CD72: variants seen among roughly 807,000 people sequenced by gnomAD.
The protein encoded by CD72 is CD72 molecule.
Under a neutral mutation model 50.7 loss-of-function variants are expected in CD72, and 28 were observed. The observed-to-expected ratio is 0.55, with a 90% CI of 0.41 to 0.76. The LOEUF is 0.76. Ranked by LOEUF, CD72 falls within the 30% of genes least tolerant of loss-of-function variation. CD72 has a pLI of 0.00. For synonymous variants in CD72, 176 were observed against 171.2 expected (o/e 1.03, Z -0.22); for missense variants, 403 against 420.6 (o/e 0.96, Z 0.37).
At chr9:35,640,229 T>C (rs1823326156) in intron 1 of CD72, among the ~76,000 whole-genome samples, 1 of 152,254 alleles carries the variant, frequency 6.6e-6, no homozygotes, top group Non-Finnish European at 1.5e-5. Context: ...ATTCCAGCTG[T>C]ACTTTGGGGG....
At chr9:35,640,585 A>G (rs1000105675) in intron 1 of CD72, among the ~76,000 whole-genome samples, 3 of 152,238 alleles carry the variant, frequency 2.0e-5, no homozygotes, top group Non-Finnish European at 4.4e-5. Flanking sequence ...GGGAGTGGCA[A>G]TGGGAGTCTC....
chr9:35,619,528 G>A (rs377712283), upstream of CD72: 1 of 152,238 alleles, frequency 6.6e-6, no homozygotes, highest in African/African-American at 2.4e-5. Flanking sequence ...CCAACAGCTC[G>A]GATGATTGGT....
chr9:35,624,528 G>C (rs1478876493), upstream of CD72, among the ~76,000 whole-genome samples: 1 of 152,082 alleles, frequency 6.6e-6, no homozygotes, highest in South Asian at 2.1e-4. Flanking sequence ...CATACTTAGT[G>C]GGGAGCGATT....
chr9:35,612,671 G>A lies in CD72; in HGVS notation c.834+177C>T, dbSNP rs868757065. The A allele has an allele frequency of 1.1e-4, 71 of 625,736 alleles. No individual in the cohort carries two copies. In the Middle Eastern group the frequency reaches 1.3e-3, roughly 12 times the overall value. The allele number at this position is 625,736 out of a possible 1,614,324, so 38.8% of individuals were successfully genotyped here. A position where few individuals can be genotyped will look rare whatever the true frequency, so the allele number is the denominator to read the frequency against. The stretch of plus-strand genomic sequence containing the variant: ...TAGGGGCTGCCTGGACCACTGTGCT[G>A]AGAAGATGCAGAGGTTGTTTCCAAG... On this transcript the variant is annotated intron_variant, in intron 6 of 8. Transcript: ENST00000259633.
rs754742640 is a variant in CD72, at chr9:35,616,562, G to C, written c.352+38C>G. The stretch of plus-strand genomic sequence containing the variant: ...TGGGGCGAGAGTCGGGACGAAAGTC[G>C]TTCGGTGTAAGTGGGAAGTAGGGAC... On this transcript the variant is annotated intron_variant, in intron 4 of 8. Coordinates refer to ENST00000259633, the MANE Select transcript of CD72 (RefSeq NM_001782.3). The C allele has an allele frequency of 2.0e-6, 3 of 1,516,972 alleles. 1 individual carries two copies. The South Asian group carries it at 3.4e-5, about 17-fold the overall frequency. The allele number at this position is 1,516,972 out of a possible 1,614,324, so 94.0% of individuals were successfully genotyped here.
At chr9:35,624,599 T>C (rs1393548386) in intron 1 of CD72, among the ~76,000 whole-genome samples, 9 of 152,160 alleles carry the variant, frequency 5.9e-5, no homozygotes, top group Admixed American at 2.6e-4. Context: ...GGGCTGCTGC[T>C]ACATACTGTA....
chr9:35,633,975 G>A (rs1300631524), intron 1 of CD72, among the ~76,000 whole-genome samples: 1 of 152,080 alleles, frequency 6.6e-6, no homozygotes, highest in African/African-American at 2.4e-5. Flanking sequence ...ATCACTTTAA[G>A]TGTGTTTCTC....
At chr9:35,639,355 C>A (rs536406213) in intron 1 of CD72, among the ~76,000 whole-genome samples, 7 of 152,250 alleles carry the variant, frequency 4.6e-5, no homozygotes, top group African/African-American at 1.7e-4. Flanking sequence ...GTTATTTGTA[C>A]GTGGTAGTGT....
upstream of CD72, among the ~76,000 whole-genome samples, chr9:35,623,553 G>C (rs1236813640): frequency 6.6e-6 from 1 of 152,050 alleles, no homozygotes; most frequent in East Asian, 1.9e-4. Context: ...AACCCCTGCT[G>C]ATGAGGCAGC....
chr9:35,645,024 A>G (rs1391190950), intron 1 of CD72, among the ~76,000 whole-genome samples: 1 of 151,726 alleles, frequency 6.6e-6, no homozygotes, highest in Admixed American at 6.6e-5. Flanking sequence ...CAACATGGAG[A>G]AACCCCGTTT....
chr9:35,644,579 A>G (rs955341128), intron 1 of CD72, among the ~76,000 whole-genome samples: 1 of 152,178 alleles, frequency 6.6e-6, no homozygotes, highest in African/African-American at 2.4e-5. Flanking sequence ...GAAGTGTTCA[A>G]GAAGAAATCA....
chr9:35,617,247 G>A lies in CD72; in HGVS notation c.191C>T (p.Ala64Val). 3 of 1,549,650 alleles carry A rather than the reference G, an allele frequency of 1.9e-6. No individual in the cohort carries two copies. Among genetic ancestry groups the A allele is most frequent in the Middle Eastern group, 1.7e-4 (1 of 5,856 alleles). The change falls in exon 3 of 9, where the codon GCG (alanine) becomes GTG (valine). Residue 64 changes from alanine (A) to valine (V), a missense_variant and splice_region_variant. Coordinates refer to ENST00000259633, the MANE Select transcript of CD72 (RefSeq NM_001782.3). ...CGCAGTTGGCTGCTCCGACTTGACC[G>A]CTGTCGAGGGGAGCATCCAGTGTGA... ...LASSVLGDKA[A>V]VKSEQPTASW...
intron 5 of CD72, among the ~76,000 whole-genome samples, chr9:35,615,616 G>A (rs542283606): frequency 3.5e-4 from 53 of 151,936 alleles, no homozygotes; most frequent in African/African-American, 1.3e-3. Flanking sequence ...AAACCGCCAA[G>A]TTCACATCCA....
chr9:35,612,635 T>A (rs1213630067), intron 6 of CD72, among the ~76,000 whole-genome samples: 1 of 152,104 alleles, frequency 6.6e-6, no homozygotes, highest in Non-Finnish European at 1.5e-5. Flanking sequence ...ATGCCAACTC[T>A]AATCAGTTAC....
intron 1 of CD72, among the ~76,000 whole-genome samples, chr9:35,625,267 A>G (rs573940220): frequency 6.6e-6 from 1 of 152,366 alleles, no homozygotes; most frequent in South Asian, 2.1e-4. Context: ...AAACAGTCTT[A>G]TTGCTGATAT....
chr9:35,617,310 G>A, intron 2 of CD72, 63 bp from the exon 3 acceptor site: 1 of 1,487,404 alleles, frequency 6.7e-7, no homozygotes, highest in Non-Finnish European at 9.0e-7. Context: ...CTCCTCCTGC[G>A]CACCCGCTTC....
At position 35,637,923 on chromosome 9, in the gene CD72, G is replaced by C. The variant is rs193271403; in HGVS notation, n.408+8480C>G. Among the ~76,000 whole-genome samples, 1,130 of 152,092 alleles carry C rather than the reference G, an allele frequency of 7.4e-3. 9 individuals carry two copies. Among genetic ancestry groups the C allele is most frequent in the Non-Finnish European group, 0.01 (690 of 67,980 alleles). ...TCACTATGGGCAACCTTCCACCCTC[G>C]ATTCCCCCATCTTTTCCCTTAGCCT... On this transcript the variant is annotated intron_variant and non_coding_transcript_variant, in intron 1 of 3. Transcript: ENST00000465754.
rs577336679 is a variant in CD72, at chr9:35,632,020, A to G, written n.409-13899T>C. 7.2e-5 allele frequency among the ~76,000 whole-genome samples: 11 copies of G among 152,236 alleles called. No homozygotes were observed. The South Asian group carries it at 2.1e-3, about 29-fold the overall frequency. Reference sequence around the variant, plus strand: ...AAAAGGAGTCTCTCATCACCTTCCTATTGCAGTCTTTTCTAAAATAAGTTG... The same window carrying G: ...AAAAGGAGTCTCTCATCACCTTCCTGTTGCAGTCTTTTCTAAAATAAGTTG... On this transcript the variant is annotated intron_variant and non_coding_transcript_variant, in intron 1 of 3. Coordinates refer to the CD72 transcript ENST00000465754.
chr9:35,644,434 C>G (rs1014317214), intron 1 of CD72, among the ~76,000 whole-genome samples: 4 of 149,430 alleles, frequency 2.7e-5, no homozygotes, highest in Admixed American at 6.6e-5. Context: ...AGACCAGTAT[C>G]GACAGAACCA....
Sources: gnomAD v4.1 joint callset for allele counts (sites outside exome capture counted in the v4.1 genomes callset) on GRCh38, gnomAD v4.1.1 for gene constraint, MANE v1.5 for transcripts, NCBI Gene and HGNC (gene_info 2026-07-23, HGNC 2026-07-21) for gene names.